TNR: variants seen among roughly 807,000 people sequenced by gnomAD.
TNR encodes the protein tenascin-R.
In TNR, 45 loss-of-function variants were observed where a neutral mutation model predicts 150.4. The observed-to-expected ratio is 0.30, with a 90% confidence interval of 0.24 to 0.38. The LOEUF is 0.38. TNR is among the 10% of genes least tolerant of loss of function. The pLI, the probability that TNR is intolerant of heterozygous loss-of-function variation, is 1.00. For synonymous variants in TNR, 687 were observed against 678.4 expected, an observed-to-expected ratio of 1.01 and a Z score of -0.20; for missense variants, 1,544 against 1,759.1, an observed-to-expected ratio of 0.88 and a Z score of 2.19.
Position 175,400,024 on chromosome 1 carries a change from T to G in TNR, c.976+3116A>C, listed in dbSNP as rs1454539244. ...CCAGGAAACAGCTTTCTGGATTGTC[T>G]CAAGACCCTGTTCTGATGGTTCTTT... On this transcript the variant is annotated intron_variant, in intron 4 of 22. Coordinates refer to ENST00000367674, the MANE Select transcript of TNR (RefSeq NM_003285.3). Among the ~76,000 whole-genome samples, 4 of 152,316 alleles carry G rather than the reference T, an allele frequency of 2.6e-5. No individual in the cohort carries two copies. The East Asian group carries it at 7.7e-4, about 29-fold the overall frequency.
intron 2 of TNR, among the ~76,000 whole-genome samples, chr1:175,422,134 T>C (rs1039836057): frequency 6.6e-6 from 1 of 152,224 alleles, no homozygotes; most frequent in Non-Finnish European, 1.5e-5. Context: ...CCTGATTCCA[T>C]AGTCTTTGAA....
intron 2 of TNR, among the ~76,000 whole-genome samples, chr1:175,510,583 A>C (rs912631395): frequency 1.3e-5 from 2 of 152,208 alleles, no homozygotes; most frequent in African/African-American, 4.8e-5. Flanking sequence ...ACCATAGTCA[A>C]ATAATGTCCC....
At chr1:175,654,719 C>CTTTT (rs36087120) in intron 1 of TNR, among the ~76,000 whole-genome samples, 87 of 74,738 alleles carry the variant, frequency 1.2e-3, no homozygotes, top group African/African-American at 2.3e-3. Flanking sequence ...AAGTTCCCTT[C>CTTTT]TTTTTTTTTT....
chr1:175,356,252 A>G, intron 16 of TNR, 67 bp downstream of exon 16: 2 of 1,592,824 alleles, frequency 1.3e-6, no homozygotes, highest in South Asian at 1.1e-5. Flanking sequence ...CTAGTCCACC[A>G]CAAGAAAGCT....
At chr1:175,400,966 G>T (rs910821693) in intron 4 of TNR, among the ~76,000 whole-genome samples, 4 of 152,224 alleles carry the variant, frequency 2.6e-5, no homozygotes, top group African/African-American at 9.6e-5. Context: ...TGGCTCTAGG[G>T]TTGCTATAGA....
intron 2 of TNR, among the ~76,000 whole-genome samples, chr1:175,464,855 A>C (rs1395461495): frequency 1.3e-5 from 2 of 152,182 alleles, no homozygotes; most frequent in African/African-American, 2.4e-5. Flanking sequence ...GGGGACACTG[A>C]AAATGCAGGG....
intron 2 of TNR, among the ~76,000 whole-genome samples, chr1:175,506,798 G>A (rs540552494): frequency 5.3e-5 from 8 of 152,196 alleles, no homozygotes; most frequent in Non-Finnish European, 1.2e-4. Flanking sequence ...GAATAGCATT[G>A]GTCCCATTTT....
intron 1 of TNR, among the ~76,000 whole-genome samples, chr1:175,698,309 A>T (rs1376291444): frequency 1.3e-5 from 2 of 152,214 alleles, no homozygotes; most frequent in Non-Finnish European, 2.9e-5. Context: ...TTGCCGTTCC[A>T]TATGGTGAGA....
chr1:175,675,003 G>C (rs889271818), intron 1 of TNR, among the ~76,000 whole-genome samples: 1 of 152,196 alleles, frequency 6.6e-6, no homozygotes, highest in African/African-American at 2.4e-5. Context: ...CAGGATTTGG[G>C]GAGATGGGGG....
At chr1:175,568,594 G>C (rs1224243269) in intron 1 of TNR, among the ~76,000 whole-genome samples, 1 of 152,094 alleles carries the variant, frequency 6.6e-6, no homozygotes, top group Non-Finnish European at 1.5e-5. Context: ...TTCACTCTCT[G>C]AGGTTCTGGA....
At chr1:175,628,299 C>A (rs1664217120) in intron 1 of TNR, among the ~76,000 whole-genome samples, 1 of 152,064 alleles carries the variant, frequency 6.6e-6, no homozygotes, top group African/African-American at 2.4e-5. Flanking sequence ...TTCCTAGAGC[C>A]TTTTTAGGAT....
At chr1:175,691,301 A>T (rs889758477) in intron 1 of TNR, among the ~76,000 whole-genome samples, 1 of 152,188 alleles carries the variant, frequency 6.6e-6, no homozygotes, top group African/African-American at 2.4e-5. Flanking sequence ...AGTAATATTA[A>T]TGATGATGAT....
chr1:175,577,483 T>C (rs16848698), intron 1 of TNR, among the ~76,000 whole-genome samples: 14,458 of 152,128 alleles, frequency 0.095, 775 homozygotes, highest in Middle Eastern at 0.15. Context: ...ATGATTTATC[T>C]GAGGCCACAC....
rs1014610724 is a variant in TNR, at chr1:175,367,225, G to A, written c.2036C>T (p.Thr679Ile). 3 of 1,614,016 alleles carry A rather than the reference G, an allele frequency of 1.9e-6. No individual in the cohort carries two copies. In the African/African-American group the frequency reaches 4.0e-5, roughly 22 times the overall value. ...VMNSQQSVPA[T>I]MNARTELDSP... ...CTACTCACCAGTCCTGGCATTCATG[G>A]TGGCTGGCACGCTTTGCTGTGAGTT... The change falls in exon 10 of 23, where the codon ACC becomes ATC. Residue 679 changes from threonine to isoleucine, a missense_variant. Coordinates refer to ENST00000367674, the MANE Select transcript of TNR (RefSeq NM_003285.3).
At chr1:175,706,515 T>C (rs1666845859) in intron 1 of TNR, among the ~76,000 whole-genome samples, 1 of 152,134 alleles carries the variant, frequency 6.6e-6, no homozygotes, top group Admixed American at 6.5e-5. Context: ...GTCCACCCAC[T>C]GGTCTCCTTG....
rs190628665 is a variant in TNR at position 175,430,899 on chromosome 1, A to G, written c.-63-24122T>C. Among the ~76,000 whole-genome samples, 239 of 152,364 alleles carry G rather than the reference A, an allele frequency of 1.6e-3. 2 individuals are homozygous for G. The highest frequency in any genetic ancestry group is 7.9e-4 in the Non-Finnish European group (54 of 68,034). ...TGTTTTATATTTTGTAGTAAAAAAT[A>G]TAATTTTCTATGGAAAGGAAAATTT... On this transcript the variant is annotated intron_variant, in intron 2 of 22. Transcript: ENST00000367674.
In TNR at chr1:175,401,547, G is replaced by A. The variant is rs188897551; in HGVS notation, c.976+1593C>T. 3.8e-3 allele frequency among the ~76,000 whole-genome samples: 571 copies of A among 152,226 alleles called. 4 individuals carry two copies. The highest frequency in any genetic ancestry group is 5.1e-3 in the Non-Finnish European group (347 of 68,016). On this transcript the variant is annotated intron_variant, in intron 4 of 22. Coordinates refer to ENST00000367674, the MANE Select transcript of TNR (RefSeq NM_003285.3). ...ATTTCAATTCAGTAAACAAAATTGG[G>A]AGGCTAAATGAAATAATTGGATATG... is the stretch of plus-strand genomic sequence containing the variant.
At chr1:175,553,335 A>G (rs771107568) in intron 1 of TNR, among the ~76,000 whole-genome samples, 6 of 152,086 alleles carry the variant, frequency 3.9e-5, no homozygotes, top group Non-Finnish European at 8.8e-5. Context: ...AGATTTCTTG[A>G]TCCATTTTGT....
At chr1:175,398,827 A>G (rs1653562931) in intron 4 of TNR, among the ~76,000 whole-genome samples, 1 of 152,216 alleles carries the variant, frequency 6.6e-6, no homozygotes, top group Non-Finnish European at 1.5e-5. Context: ...CTATTTTCAT[A>G]TATACCATCT....
Sources: gnomAD v4.1 joint callset for allele counts (sites outside exome capture counted in the v4.1 genomes callset) on GRCh38, gnomAD v4.1.1 for gene constraint, MANE v1.5 for transcripts, NCBI Gene and HGNC (gene_info 2026-07-23, HGNC 2026-07-21) for gene names.